FGF5: variants seen among roughly 807,000 people sequenced by gnomAD.
FGF5 encodes the protein fibroblast growth factor 5.
In FGF5, 23 loss-of-function variants were observed where a neutral mutation model predicts 21.8. That is an observed-to-expected ratio of 1.05 (90% confidence interval 0.76 to 1.49). The LOEUF (loss-of-function observed/expected upper bound fraction) is 1.49. Among genes scored for constraint, FGF5 ranks in the 40% most tolerant of loss-of-function variants. FGF5 has a pLI of 0.00. For synonymous variants in FGF5, 158 were observed against 124.0 expected (o/e 1.27, Z -1.82); for missense variants, 352 against 332.9 (o/e 1.06, Z -0.45).
In FGF5 at chr4:80,267,116, G is replaced by T; in HGVS notation, c.292G>T (p.Gly98Cys). The T allele has an allele frequency of 6.2e-7, 1 of 1,613,966 alleles. No individual in the cohort carries two copies. Among genetic ancestry groups the T allele is most frequent in the South Asian group, 1.1e-5 (1 of 91,072 alleles). Residue 98 changes from glycine (G) to cysteine (C), a missense_variant, in exon 1 of 3, where the codon GGT (glycine) becomes TGT (cysteine). Gly to Cys is a radical substitution (Grantham distance 159, BLOSUM62 -3). Transcript: ENST00000312465. ...TGSLYCRVGIGFHLQIYPDGK... is the reference protein window; with the variant it reads ...TGSLYCRVGICFHLQIYPDGK... ...CAGCCTCTACTGCAGAGTGGGCATC[G>T]GTTTCCATCTGCAGATCTACCCGGA...
intron 1 of FGF5, among the ~76,000 whole-genome samples, chr4:80,274,595 T>C (rs1226462105): frequency 2.6e-5 from 4 of 152,124 alleles, no homozygotes; most frequent in Non-Finnish European, 5.9e-5. Flanking sequence ...ATTTTTTAAA[T>C]GTCTTTTTAA....
At chr4:80,273,555 C>T (rs1444238409) in intron 1 of FGF5, among the ~76,000 whole-genome samples, 1 of 152,008 alleles carries the variant, frequency 6.6e-6, no homozygotes, top group East Asian at 1.9e-4. Context: ...GGAGAGTTTG[C>T]TATTTCAAGA....
At chr4:80,269,955 A>G (rs974492702) in intron 1 of FGF5, among the ~76,000 whole-genome samples, 11 of 152,268 alleles carry the variant, frequency 7.2e-5, no homozygotes, top group African/African-American at 2.7e-4. Context: ...CTCTGCCATT[A>G]CCTAGCTGTA....
Position 80,267,076 on chromosome 4 carries a change from G to A in FGF5, c.252G>A (p.Ser84=). 1.2e-6 allele frequency: 2 copies of A among 1,614,202 alleles called. No homozygotes were observed. The highest frequency in any genetic ancestry group is 8.5e-7 in the Non-Finnish European group (1 of 1,180,054). Residue 84 remains serine (S), a synonymous_variant, in exon 1 of 3, where the codon TCG becomes TCA. Transcript: ENST00000312465. ...LEQSSFQWSP[S]GRRTGSLYCR... ...AGAGCAGTTTCCAGTGGAGCCCCTC[G>A]GGGCGCCGGACCGGCAGCCTCTACT...
Position 80,290,397 on chromosome 4 carries a change from A to C in FGF5, c.*3725A>C, listed in dbSNP as rs1335546593. 1.3e-5 allele frequency: 2 copies of C among 152,160 alleles called. No homozygotes were observed. Among genetic ancestry groups the C allele is most frequent in the Non-Finnish European group, 2.9e-5 (2 of 68,032 alleles). 9.4% of individuals were successfully genotyped at this position (152,160 alleles called of 1,614,324 possible). On this transcript the variant is annotated 3_prime_UTR_variant, in exon 3 of 3. Transcript: ENST00000312465. ...ATTTTTGAAATAAGATTATATGATT[A>C]GGTATTAGCAGAGACAAAGAGTTAC...
chr4:80,277,857 A>G (rs184673079), intron 2 of FGF5, among the ~76,000 whole-genome samples: 4 of 152,270 alleles, frequency 2.6e-5, no homozygotes, highest in African/African-American at 4.8e-5. Context: ...ATACTTGTAA[A>G]TATTCAACTC....
intron 1 of FGF5, among the ~76,000 whole-genome samples, chr4:80,267,720 T>C (rs536991914): frequency 4.7e-4 from 57 of 121,098 alleles, no homozygotes; most frequent in Non-Finnish European, 6.9e-4. Flanking sequence ...ATGTATACAA[T>C]GTATACACAT....
In FGF5 at chr4:80,290,490, C is replaced by A. The variant is rs1211530965; in HGVS notation, c.*3818C>A. 1 of 152,060 alleles carries A rather than the reference C, an allele frequency of 6.6e-6. No homozygotes were observed. Among genetic ancestry groups the A allele is most frequent in the Admixed American group, 6.6e-5 (1 of 15,256 alleles). 9.4% of individuals were successfully genotyped at this position (152,060 alleles called of 1,614,324 possible). On this transcript the variant is annotated 3_prime_UTR_variant, in exon 3 of 3. Transcript: ENST00000312465. The stretch of plus-strand genomic sequence containing the variant: ...AAAAGGGAACAAGATGCTGATCCAA[C>A]CTGAGTGGAGTCAGGTGAGGCATCT...
chr4:80,279,192 C>T lies in FGF5; in HGVS notation c.459+4180C>T, dbSNP rs1389316762. Among the ~76,000 whole-genome samples, 11 of 152,314 alleles carry T rather than the reference C, an allele frequency of 7.2e-5. No individual in the cohort carries two copies. In the East Asian group the frequency reaches 2.1e-3, roughly 29 times the overall value. Reference sequence around the variant, plus strand: ...CCCCAGGCTGAATCCTACTCTACCACTTCCTAACTGTGTCATTTTACTTCA... The same window carrying T: ...CCCCAGGCTGAATCCTACTCTACCATTTCCTAACTGTGTCATTTTACTTCA... On this transcript the variant is annotated intron_variant, in intron 2 of 2. Transcript: ENST00000312465.
chr4:80,278,020 G>T (rs372697997), intron 2 of FGF5, among the ~76,000 whole-genome samples: 71 of 152,122 alleles, frequency 4.7e-4, no homozygotes, highest in African/African-American at 1.6e-3. Context: ...TTTTCCCAAG[G>T]TTACACAGTT....
At chr4:80,275,109 C>T in intron 2 of FGF5, 97 bp downstream of exon 2, 1 of 512,212 alleles carries the variant, frequency 2.0e-6, no homozygotes, top group Non-Finnish European at 3.5e-6. Context: ...GAAAATTTGC[C>T]CAAAGAACTT....
At chr4:80,276,210 T>C (rs1021989167) in intron 2 of FGF5, among the ~76,000 whole-genome samples, 1 of 152,012 alleles carries the variant, frequency 6.6e-6, no homozygotes, top group Non-Finnish European at 1.5e-5. Context: ...AAGTGCTCAA[T>C]AAATATTGCC....
At position 80,289,856 on chromosome 4, in the gene FGF5, T is replaced by C. The variant is rs1720845529; in HGVS notation, c.*3184T>C. 6.6e-6 allele frequency: 1 copy of C among 152,182 alleles called. No homozygotes were observed. The highest frequency in any genetic ancestry group is 2.4e-5 in the African/African-American group (1 of 41,462). The allele number at this position is 152,182 out of a possible 1,614,324, so 9.4% of individuals were successfully genotyped here. ...TATTTCCAAGTTTGTGTATATATTA[T>C]AAAAATTACATATATAAAACTAAGG... is the stretch of plus-strand genomic sequence containing the variant. On this transcript the variant is annotated 3_prime_UTR_variant, in exon 3 of 3. Transcript: ENST00000312465.
At chr4:80,280,080 T>C (rs1424308955) in intron 2 of FGF5, among the ~76,000 whole-genome samples, 1 of 152,214 alleles carries the variant, frequency 6.6e-6, no homozygotes, top group Non-Finnish European at 1.5e-5. Flanking sequence ...GCTTGAGTAA[T>C]ACTTATCATC....
intron 2 of FGF5, among the ~76,000 whole-genome samples, chr4:80,276,748 G>T (rs1420710170): frequency 7.0e-6 from 1 of 142,406 alleles, no homozygotes; most frequent in Non-Finnish European, 1.5e-5. Context: ...GAGTTCTCAC[G>T]AGGGCTGGAA....
chr4:80,277,969 A>G (rs1720459638), intron 2 of FGF5, among the ~76,000 whole-genome samples: 1 of 152,138 alleles, frequency 6.6e-6, no homozygotes, highest in Non-Finnish European at 1.5e-5. Context: ...TTATCTCATT[A>G]GATAATGAGG....
chr4:80,273,347 C>A (rs1348524418), intron 1 of FGF5, among the ~76,000 whole-genome samples: 1 of 151,838 alleles, frequency 6.6e-6, no homozygotes, highest in Non-Finnish European at 1.5e-5. Flanking sequence ...TTCAGTTATC[C>A]CCTTTTTCAC....
intron 2 of FGF5, among the ~76,000 whole-genome samples, chr4:80,283,245 C>T (rs538716811): frequency 6.6e-6 from 1 of 152,240 alleles, no homozygotes; most frequent in Admixed American, 6.5e-5. Context: ...GGCTGAGGGG[C>T]TGTGTGTACT....
chr4:80,287,210 A>C lies in FGF5; in HGVS notation c.*538A>C, dbSNP rs1198821549. ...TGAATTATAAATGTGTTTATAGCTC[A>C]TTTGTAATATGGAAATCTTTTACAT... On this transcript the variant is annotated 3_prime_UTR_variant, in exon 3 of 3. Transcript: ENST00000312465. The C allele has an allele frequency of 6.6e-6, 1 of 152,212 alleles. No homozygotes were observed. Among genetic ancestry groups the C allele is most frequent in the African/African-American group, 2.4e-5 (1 of 41,462 alleles). The allele number at this position is 152,212 out of a possible 1,614,324, so 9.4% of individuals were successfully genotyped here. A position where few individuals can be genotyped will look rare whatever the true frequency, so the allele number is the denominator to read the frequency against.
Sources: gnomAD v4.1 joint callset for allele counts (sites outside exome capture counted in the v4.1 genomes callset) on GRCh38, gnomAD v4.1.1 for gene constraint, MANE v1.5 for transcripts, NCBI Gene and HGNC (gene_info 2026-07-23, HGNC 2026-07-21) for gene names.